UTRN: variants seen among roughly 807,000 people sequenced by gnomAD.
UTRN encodes utrophin.
In UTRN, 283 loss-of-function variants were observed where a neutral mutation model predicts 463.9. The ratio of observed to expected loss-of-function variants is 0.61; its 90% CI spans 0.55 to 0.67. The LOEUF (loss-of-function observed/expected upper bound fraction) is 0.67, where lower values mean the gene tolerates loss of function less well. Among genes scored for constraint, UTRN ranks in the 30% least tolerant of loss-of-function variants. The pLI, the probability that UTRN is intolerant of heterozygous loss-of-function variation, is 0.00. For synonymous variants in UTRN, 1,442 were observed against 1,431.5 expected, an observed-to-expected ratio of 1.01 and a Z score of -0.17; for missense variants, 3,922 against 4,084.3, an observed-to-expected ratio of 0.96 and a Z score of 1.08.
At chr6:144,543,481 C>G (rs1798154309) in intron 46 of UTRN, among the ~76,000 whole-genome samples, 3 of 152,230 alleles carry the variant, frequency 2.0e-5, no homozygotes, top group African/African-American at 4.8e-5. Flanking sequence ...TCTGAACCAT[C>G]ATGCCCTGCT....
intron 58 of UTRN, among the ~76,000 whole-genome samples, chr6:144,768,527 T>C (rs1793606418): frequency 6.6e-6 from 1 of 152,098 alleles, no homozygotes; most frequent in Non-Finnish European, 1.5e-5. Context: ...ATTTAACTCA[T>C]AGTAAGGGAA....
chr6:144,581,754 T>C (rs1236123782), intron 51 of UTRN, among the ~76,000 whole-genome samples: 1 of 152,212 alleles, frequency 6.6e-6, no homozygotes, highest in African/African-American at 2.4e-5. Flanking sequence ...TTGTTTCTAG[T>C]CTATTCACGA....
chr6:144,662,043 G>A (rs917904305), intron 51 of UTRN, among the ~76,000 whole-genome samples: 20 of 151,786 alleles, frequency 1.3e-4, no homozygotes, highest in African/African-American at 4.6e-4. Context: ...GACAAAAGGC[G>A]AACTCAAAGA....
chr6:144,792,026 A>G (rs1776804033), intron 62 of UTRN, among the ~76,000 whole-genome samples: 1 of 152,204 alleles, frequency 6.6e-6, no homozygotes, highest in Non-Finnish European at 1.5e-5. Flanking sequence ...TTTGTCTATG[A>G]TAGTCTTATT....
intron 54 of UTRN, among the ~76,000 whole-genome samples, chr6:144,731,457 T>A (rs1788506697): frequency 6.6e-6 from 1 of 152,240 alleles, no homozygotes; most frequent in South Asian, 2.1e-4. Flanking sequence ...AAAGATTGCC[T>A]CATGCTGTGT....
chr6:144,539,246 C>T, intron 44 of UTRN, 48 bp from the exon 45 acceptor site: 3 of 1,504,448 alleles, frequency 2.0e-6, no homozygotes, highest in Non-Finnish European at 2.7e-6. Context: ...CTTGAATTTT[C>T]CCTTATCTGA....
chr6:144,793,409 A>G (rs1267124235), intron 62 of UTRN, among the ~76,000 whole-genome samples: 1 of 152,152 alleles, frequency 6.6e-6, no homozygotes, highest in Non-Finnish European at 1.5e-5. Flanking sequence ...GCACCCAACT[A>G]CATCTATTCC....
At chr6:144,536,687 T>C (rs932925801) in intron 43 of UTRN, among the ~76,000 whole-genome samples, 1 of 152,072 alleles carries the variant, frequency 6.6e-6, no homozygotes, top group African/African-American at 2.4e-5. Flanking sequence ...ACAATACAAT[T>C]TATTTAAAAA....
At chr6:144,620,570 A>G (rs367570023) in intron 51 of UTRN, among the ~76,000 whole-genome samples, 1 of 152,244 alleles carries the variant, frequency 6.6e-6, no homozygotes, top group South Asian at 2.1e-4. Flanking sequence ...AGCATCCAAG[A>G]TAATACTGGT....
chr6:144,591,519 A>G (rs1385543231), intron 51 of UTRN, among the ~76,000 whole-genome samples: 1 of 152,190 alleles, frequency 6.6e-6, no homozygotes, highest in African/African-American at 2.4e-5. Flanking sequence ...ATGCTGATTG[A>G]CATAAAACCT....
At position 144,729,734 on chromosome 6, in the gene UTRN, C is replaced by G. The variant is rs567103825; in HGVS notation, c.7810-623C>G. 2.0e-5 allele frequency among the ~76,000 whole-genome samples: 3 copies of G among 152,294 alleles called. No individual in the cohort carries two copies. In the South Asian group the frequency reaches 6.2e-4, roughly 32 times the overall value. ...GCTAAAGAGAAACTATTCTGAGAAT[C>G]ATAGATTTGCATGAAAAACCTCACA... On this transcript the variant is annotated intron_variant, in intron 53 of 74. Transcript: ENST00000367545.
At chr6:144,661,406 C>T (rs1779850276) in intron 51 of UTRN, among the ~76,000 whole-genome samples, 1 of 152,144 alleles carries the variant, frequency 6.6e-6, no homozygotes, top group Admixed American at 6.5e-5. Flanking sequence ...GCAGTTGCTT[C>T]TCCCAATCTC....
At chr6:144,345,476 A>T (rs1777488477) in intron 2 of UTRN, among the ~76,000 whole-genome samples, 1 of 152,054 alleles carries the variant, frequency 6.6e-6, no homozygotes, top group South Asian at 2.1e-4. Context: ...GGAGTTCGAG[A>T]CCACTCTGGG....
intron 64 of UTRN, 41 bp downstream of exon 64, chr6:144,798,031 C>A (rs1191251567): frequency 2.1e-5 from 34 of 1,612,656 alleles, no homozygotes; most frequent in Non-Finnish European, 2.3e-5. Context: ...TTTCTGTTTC[C>A]TTTGTGTAAT....
chr6:144,800,040 T>G (rs1246971963), intron 64 of UTRN, among the ~76,000 whole-genome samples: 1 of 152,196 alleles, frequency 6.6e-6, no homozygotes, highest in East Asian at 1.9e-4. Flanking sequence ...AGATCCAGAT[T>G]AATTGACTTG....
intron 52 of UTRN, among the ~76,000 whole-genome samples, chr6:144,692,453 T>G (rs1783526382): frequency 6.6e-6 from 1 of 152,228 alleles, no homozygotes; most frequent in Non-Finnish European, 1.5e-5. Context: ...TTTTTAGGTC[T>G]TTGAGGAGTC....
intron 2 of UTRN, among the ~76,000 whole-genome samples, chr6:144,337,150 GAC>G (rs1225606645): frequency 5.4e-5 from 8 of 147,406 alleles, no homozygotes; most frequent in Non-Finnish European, 1.1e-4. Context: ...CACACACAGA[GAC>G]ACACACACAC....
intron 34 of UTRN, 130 bp from the exon 35 acceptor site, chr6:144,510,814 A>G (rs1312415555): frequency 5.0e-5 from 37 of 735,782 alleles, no homozygotes; most frequent in Non-Finnish European, 6.4e-5. Context: ...AAACTTTGAC[A>G]TTGTAAATTA....
intron 3 of UTRN, among the ~76,000 whole-genome samples, chr6:144,407,865 C>T (rs932399946): frequency 6.6e-6 from 1 of 152,010 alleles, no homozygotes; most frequent in African/African-American, 2.4e-5. Context: ...TAAATTATGG[C>T]TCTTGGATTT....
Sources: allele counts gnomAD v4.1 joint callset (sites outside exome capture counted in the v4.1 genomes callset), GRCh38; gene constraint gnomAD v4.1.1; transcripts MANE v1.5; gene names NCBI Gene and HGNC (gene_info 2026-07-23, HGNC 2026-07-21).